Variants in ELF1 observed in about 807,000 individuals in gnomAD.
ELF1 encodes the protein E74 like ETS transcription factor 1, also known as ETS-related transcription factor Elf-1.
ELF1 carries 24 observed loss-of-function variants against 59.9 expected under a neutral mutation model. That is an observed-to-expected ratio of 0.40 (90% CI 0.29 to 0.56). ELF1 has a LOEUF of 0.56. Among genes scored for constraint, ELF1 ranks in the 20% least tolerant of loss-of-function variants. The pLI is 0.44. For synonymous variants in ELF1, 248 were observed against 266.2 expected, an observed-to-expected ratio of 0.93 and a Z score of 0.67; for missense variants, 627 against 742.2, an observed-to-expected ratio of 0.84 and a Z score of 1.80.
chr13:41,035,701 TAC>T (rs138082633), intron 1 of ELF1, among the ~76,000 whole-genome samples: 1,694 of 131,176 alleles, frequency 0.013, 38 homozygotes, highest in African/African-American at 0.044. Context: ...GAGAAAGAGA[TAC>T]AGAGATGAGG....
intron 1 of ELF1, among the ~76,000 whole-genome samples, chr13:40,984,576 A>G (rs1421317814): frequency 6.6e-6 from 1 of 152,174 alleles, no homozygotes; most frequent in South Asian, 2.1e-4. Flanking sequence ...CAATAAATAA[A>G]TATCATTAGA....
rs1869534250 is a variant in ELF1 at position 40,933,368 on chromosome 13, C to T, written c.*57G>A. ...ATTTATCTTAGAATCAGTCAGTCTG[C>T]ATATAATTGAAAATGTTCAATTAAC... On this transcript the variant is annotated 3_prime_UTR_variant, in exon 9 of 9. Transcript: ENST00000239882. The T allele has an allele frequency of 1.3e-6, 2 of 1,549,772 alleles. No homozygotes were observed. The highest frequency in any genetic ancestry group is 1.3e-5 in the South Asian group (1 of 79,828).
chr13:40,933,266 T>G lies in ELF1; in HGVS notation c.*159A>C. On this transcript the variant is annotated 3_prime_UTR_variant, in exon 9 of 9. Transcript: ENST00000239882. The stretch of plus-strand genomic sequence containing the variant: ...CATTTAGATAACAAAGAGAAACAGT[T>G]GAGTTTTCCTCCCTCATCTAACAAA... 2.3e-6 allele frequency: 2 copies of G among 887,998 alleles called. No homozygotes were observed. The highest frequency in any genetic ancestry group is 3.3e-6 in the Non-Finnish European group (2 of 610,512). 55.0% of individuals were successfully genotyped at this position (887,998 alleles called of 1,614,324 possible).
chr13:40,984,731 T>C (rs1230530114), intron 1 of ELF1, among the ~76,000 whole-genome samples: 2 of 152,186 alleles, frequency 1.3e-5, no homozygotes, highest in Non-Finnish European at 2.9e-5. Context: ...GATACAGAAG[T>C]TTCTCTGTAA....
chr13:40,954,600 GC>G (rs1319214142), intron 3 of ELF1, among the ~76,000 whole-genome samples: 2 of 152,136 alleles, frequency 1.3e-5, no homozygotes, highest in Non-Finnish European at 2.9e-5. Flanking sequence ...GGCGCGCGCC[GC>G]CACGCCTGAC....
At chr13:40,973,416 A>G (rs1245025472) in intron 2 of ELF1, among the ~76,000 whole-genome samples, 2 of 152,208 alleles carry the variant, frequency 1.3e-5, no homozygotes, top group Non-Finnish European at 2.9e-5. Flanking sequence ...AATTATTTTC[A>G]TCAGTACTCT....
chr13:40,965,879 C>A (rs191965145), intron 2 of ELF1, among the ~76,000 whole-genome samples: 118 of 152,260 alleles, frequency 7.7e-4, no homozygotes, highest in Admixed American at 3.1e-3. Context: ...TATTTGACCC[C>A]ACATGGGATA....
intron 8 of ELF1, 132 bp downstream of exon 8, chr13:40,940,789 T>C (rs1870108397): frequency 9.6e-7 from 1 of 1,042,338 alleles, no homozygotes; most frequent in Non-Finnish European, 1.3e-6. Context: ...CTGAAAAATC[T>C]GGTAACCAAG....
chr13:40,990,645 A>G (rs908070205), intron 1 of ELF1, among the ~76,000 whole-genome samples: 2 of 152,054 alleles, frequency 1.3e-5, no homozygotes, highest in African/African-American at 4.8e-5. Flanking sequence ...GCCTGAGCTC[A>G]GGAGTTCAAG....
In ELF1 at chr13:40,958,841, A is replaced by G; in HGVS notation, c.248T>C (p.Leu83Pro). 2 of 1,609,800 alleles carry G rather than the reference A, an allele frequency of 1.2e-6. No homozygotes were observed. The highest frequency in any genetic ancestry group is 3.3e-4 in the Middle Eastern group (2 of 6,034). Residue 83 changes from leucine to proline, a missense_variant, in exon 3 of 9, where the codon CTT becomes CCT. Leu to Pro is a moderately conservative substitution (Grantham distance 98, BLOSUM62 -3). Transcript: ENST00000239882. ...IIDDDDDDITLTVEASCHDGD... is the reference protein window; with the variant it reads ...IIDDDDDDITPTVEASCHDGD... The stretch of plus-strand genomic sequence containing the variant: ...CTGGATGGAGACACACGCACCTGTA[A>G]GGGTGATGTCATCATCATCATCGTC...
intron 1 of ELF1, among the ~76,000 whole-genome samples, chr13:41,059,085 T>C (rs1311686383): frequency 1.3e-5 from 2 of 152,394 alleles, no homozygotes; most frequent in East Asian, 3.9e-4. Flanking sequence ...TGTAATTCTT[T>C]AGTAACTGCT....
chr13:41,005,655 G>A (rs186378968), intron 1 of ELF1, among the ~76,000 whole-genome samples: 1 of 151,896 alleles, frequency 6.6e-6, no homozygotes, highest in Admixed American at 6.6e-5. Flanking sequence ...TCCCAAACTT[G>A]GCTCATGTTA....
intron 1 of ELF1, among the ~76,000 whole-genome samples, chr13:41,028,334 T>C (rs1000450481): frequency 6.6e-6 from 1 of 152,184 alleles, no homozygotes; most frequent in Non-Finnish European, 1.5e-5. Context: ...CCTTGGGGCA[T>C]CTCTTTGTAT....
chr13:40,998,643 A>C (rs1158617597), intron 1 of ELF1, among the ~76,000 whole-genome samples: 1 of 152,250 alleles, frequency 6.6e-6, no homozygotes, highest in African/African-American at 2.4e-5. Flanking sequence ...AATACCATTA[A>C]TAAGTAAAAC....
rs1873316551 is a variant in ELF1, at chr13:40,982,232, G to A, written c.-178C>T. ...GTTTTCCTGGTTCATTGATATTCTA[G>A]TCAAATTGAGACAATTTTTCTGAAA... On this transcript the variant is annotated 5_prime_UTR_variant, in exon 2 of 9. Coordinates refer to ENST00000239882, the MANE Select transcript of ELF1 (RefSeq NM_172373.4). 6 of 1,281,120 alleles carry A rather than the reference G, an allele frequency of 4.7e-6. No individual in the cohort carries two copies. In the South Asian group the frequency reaches 1.6e-4, roughly 34 times the overall value. 79.4% of individuals were successfully genotyped at this position (1,281,120 alleles called of 1,614,324 possible). A position where few individuals can be genotyped will look rare whatever the true frequency, so the allele number is the denominator to read the frequency against.
intron 2 of ELF1, among the ~76,000 whole-genome samples, chr13:40,968,613 A>G (rs1872330108): frequency 6.6e-6 from 1 of 152,190 alleles, no homozygotes; most frequent in South Asian, 2.1e-4. Context: ...TTCTGTGAAG[A>G]ATTCTTCATA....
chr13:41,053,056 TTTAAATAA>T (rs1294618057), intron 1 of ELF1, among the ~76,000 whole-genome samples: 3 of 152,218 alleles, frequency 2.0e-5, no homozygotes, highest in Admixed American at 6.5e-5. Context: ...CAGAGAAATA[TTTAAATAA>T]TTAAAATCAC....
Position 40,967,194 on chromosome 13 carries a change from A to G in ELF1, c.73-8178T>C, listed in dbSNP as rs117986658. On this transcript the variant is annotated intron_variant, in intron 2 of 8. Coordinates refer to ENST00000239882, the MANE Select transcript of ELF1 (RefSeq NM_172373.4). ...ATCACTTCCTTTTACATTTGATTTA[A>G]AAAACAAAAACCCAGCACCTTACTC... 4.0e-3 allele frequency among the ~76,000 whole-genome samples: 612 copies of G among 152,350 alleles called. 4 individuals are homozygous for G. Among genetic ancestry groups the G allele is most frequent in the Middle Eastern group, 0.014 (4 of 294 alleles).
rs190248014 is a variant in ELF1, at chr13:40,989,808, G to A, written c.-228-7526C>T. On this transcript the variant is annotated intron_variant, in intron 1 of 8. Coordinates refer to ENST00000239882, the MANE Select transcript of ELF1 (RefSeq NM_172373.4). ...TCCAGAAATATATTATTGTACATAG[G>A]TAAAATGATAAAACTGATTCTAGGA... 2.1e-3 allele frequency among the ~76,000 whole-genome samples: 316 copies of A among 152,178 alleles called. 1 individual carries two copies. Among genetic ancestry groups the A allele is most frequent in the Non-Finnish European group, 3.4e-3 (231 of 67,982 alleles).
Sources: allele counts gnomAD v4.1 joint callset (sites outside exome capture counted in the v4.1 genomes callset), GRCh38; gene constraint gnomAD v4.1.1; transcripts MANE v1.5; gene names NCBI Gene and HGNC (gene_info 2026-07-23, HGNC 2026-07-21).